The following PCDHGB3 variants were observed in gnomAD, a reference collection of about 807,000 sequenced individuals.
The protein encoded by PCDHGB3 is protocadherin gamma subfamily B, 3, also known as protocadherin gamma-B3.
PCDHGB3 carries 40 observed loss-of-function variants against 59.2 expected under a neutral mutation model. The ratio of observed to expected loss-of-function variants is 0.68; its 90% CI spans 0.52 to 0.88. PCDHGB3 has a LOEUF of 0.88. PCDHGB3 is among the 40% of genes least tolerant of loss of function. PCDHGB3 has a pLI of 0.00. For missense variants in PCDHGB3, 1,309 were observed against 1,187.9 expected, an observed-to-expected ratio of 1.10 and a Z score of -1.50; for synonymous variants, 581 against 503.6, an observed-to-expected ratio of 1.15 and a Z score of -2.06.
At chr5:141,408,274 G>T (rs773254664) in intron 1 of PCDHGB3, 2 of 1,611,590 alleles carry the variant, frequency 1.2e-6, no homozygotes, top group Non-Finnish European at 1.7e-6. Flanking sequence ...TGCTGCCTTT[G>T]TTCTACCCCA....
At chr5:141,403,509 A>G in intron 1 of PCDHGB3, 1 of 1,614,002 alleles carries the variant, frequency 6.2e-7, no homozygotes, top group Non-Finnish European at 8.5e-7. Context: ...CAGACTGGAG[A>G]CAATGGAGCC....
intron 1 of PCDHGB3, chr5:141,411,852 C>G (rs992038456): frequency 1.3e-5 from 2 of 151,222 alleles, no homozygotes; most frequent in East Asian, 1.9e-4. Context: ...AGAGTGAGAC[C>G]CTGTCTCAAA....
At chr5:141,403,784 G>T in intron 1 of PCDHGB3, 1 of 1,613,906 alleles carries the variant, frequency 6.2e-7, no homozygotes, top group Non-Finnish European at 8.5e-7. Context: ...CGGAAAAGTG[G>T]CATACAAATT....
intron 1 of PCDHGB3, chr5:141,384,854 C>T: frequency 6.2e-7 from 1 of 1,613,702 alleles, no homozygotes; most frequent in Non-Finnish European, 8.5e-7. Context: ...CACGGTCAGC[C>T]TCCTCTGTCA....
At chr5:141,403,591 G>C in intron 1 of PCDHGB3, 2 of 1,613,836 alleles carry the variant, frequency 1.2e-6, no homozygotes, top group South Asian at 1.1e-5. Flanking sequence ...TGGTCCTCAC[G>C]GCCTCGGATG....
chr5:141,431,012 G>A lies in PCDHGB3; in HGVS notation c.2415+58203G>A. On this transcript the variant is annotated intron_variant, in intron 1 of 3. Coordinates refer to ENST00000576222, the MANE Select transcript of PCDHGB3 (RefSeq NM_018924.5). This position sits in a 1 kb window ranked among gnomAD's most constrained non-coding sequence, Gnocchi z 4.8. The stretch of plus-strand genomic sequence containing the variant: ...CCTGAATCCGCGCAGCGGCAGCTTG[G>A]TCACGGCGGGCAGGATAGACCGGGA... 1 of 1,613,314 alleles carries A rather than the reference G, an allele frequency of 6.2e-7. No individual in the cohort carries two copies. Among genetic ancestry groups the A allele is most frequent in the South Asian group, 1.1e-5 (1 of 91,076 alleles).
At chr5:141,394,506 C>T (rs1487868399) in intron 1 of PCDHGB3, 1 of 1,614,096 alleles carries the variant, frequency 6.2e-7, no homozygotes, top group Non-Finnish European at 8.5e-7. Flanking sequence ...GATCCTGTAC[C>T]CCGCCCTCCC....
At position 141,372,361 on chromosome 5, in the gene PCDHGB3, C is replaced by A. The variant is rs1227917364; in HGVS notation, c.1967C>A (p.Ala656Asp). The change falls in exon 1 of 4, where the codon GCC becomes GAC. Residue 656 changes from alanine to aspartate, a missense_variant. Ala to Asp is a moderately radical substitution (Grantham distance 126). Coordinates refer to ENST00000576222, the MANE Select transcript of PCDHGB3 (RefSeq NM_018924.5). Reference protein sequence around the residue: ...VRDGGQQPLSATVMLHLIFAD... With the variant: ...VRDGGQQPLSDTVMLHLIFAD... ...GATGGAGGACAGCAGCCTCTTTCAG[C>A]CACCGTCATGCTGCACCTAATCTTC... The A allele has an allele frequency of 6.2e-7, 1 of 1,613,952 alleles. No individual in the cohort carries two copies. The highest frequency in any genetic ancestry group is 1.1e-5 in the South Asian group (1 of 91,090).
Position 141,492,023 on chromosome 5 carries a change from C to G in PCDHGB3, c.2416-2784C>G, listed in dbSNP as rs536734764. 1.8e-4 allele frequency: 102 copies of G among 564,804 alleles called. 3 individuals carry two copies. In the South Asian group the frequency reaches 2.8e-3, roughly 15 times the overall value. The allele number at this position is 564,804 out of a possible 1,614,324, so 35.0% of individuals were successfully genotyped here. A position where few individuals can be genotyped will look rare whatever the true frequency, so the allele number is the denominator to read the frequency against. On this transcript the variant is annotated intron_variant, in intron 1 of 3. Coordinates refer to ENST00000576222, the MANE Select transcript of PCDHGB3 (RefSeq NM_018924.5). Reference sequence around the variant, plus strand: ...CGATTTCCGCGGGTGTCGGGGGTCCCGGGAGGAGGCAGTCACAGATCCACC... The same window carrying G: ...CGATTTCCGCGGGTGTCGGGGGTCCGGGGAGGAGGCAGTCACAGATCCACC...
intron 1 of PCDHGB3, chr5:141,392,656 G>T: frequency 1.3e-6 from 1 of 748,568 alleles, no homozygotes; most frequent in South Asian, 2.2e-5. Context: ...ACCCGCAGAT[G>T]CCACAAACTA....
chr5:141,428,082 G>A lies in PCDHGB3; in HGVS notation c.2415+55273G>A, dbSNP rs776612130. 2.5e-6 allele frequency: 4 copies of A among 1,609,030 alleles called. No individual in the cohort carries two copies. In the African/African-American group the frequency reaches 5.3e-5, roughly 21 times the overall value. On this transcript the variant is annotated intron_variant, in intron 1 of 3. Transcript: ENST00000576222. ...GGTGGACGCAGATTCGGGACACAACGCTTGGCTGTCCTACCACGTGCTGCA... is the reference window on the plus strand; with the variant it reads ...GGTGGACGCAGATTCGGGACACAACACTTGGCTGTCCTACCACGTGCTGCA...
chr5:141,510,451 G>A (rs1330148267), intron 3 of PCDHGB3, among the ~76,000 whole-genome samples: 2 of 152,096 alleles, frequency 1.3e-5, no homozygotes, highest in East Asian at 1.9e-4. Context: ...AGGAGCCCAT[G>A]GTCTAGTGTG....
intron 1 of PCDHGB3, chr5:141,394,163 T>C (rs1207627975): frequency 3.7e-6 from 6 of 1,613,782 alleles, no homozygotes; most frequent in Non-Finnish European, 5.1e-6. Flanking sequence ...ACAACCCTCC[T>C]ACTTTCCCTC....
chr5:141,404,200 A>C, intron 1 of PCDHGB3: 1 of 1,613,696 alleles, frequency 6.2e-7, no homozygotes, highest in Non-Finnish European at 8.5e-7. Context: ...AAAAAGCCTC[A>C]GAATATAATA....
intron 1 of PCDHGB3, among the ~76,000 whole-genome samples, chr5:141,449,579 ACT>A (rs370512396): frequency 0.052 from 7,360 of 141,924 alleles, 400 homozygotes; most frequent in African/African-American, 0.14. Flanking sequence ...ACAGAGCAAG[ACT>A]CTGTCTCAAA....
intron 2 of PCDHGB3, among the ~76,000 whole-genome samples, chr5:141,502,654 C>G (rs1424933188): frequency 6.6e-6 from 1 of 152,112 alleles, no homozygotes; most frequent in African/African-American, 2.4e-5. Context: ...TAGGCAGCAA[C>G]CCTTCATGCA....
Position 141,432,943 on chromosome 5 carries a change from A to G in PCDHGB3, c.2415+60134A>G, listed in dbSNP as rs1200038728. ...ACAAGTCACGCCTGCTGCAGGCTTC[A>G]GGAGGCGGCTTGACAGGAGCGCCGG... On this transcript the variant is annotated intron_variant, in intron 1 of 3. Transcript: ENST00000576222. This position sits in a 1 kb window ranked among gnomAD's most constrained non-coding sequence, Gnocchi z 6.0. 5.6e-6 allele frequency: 9 copies of G among 1,614,168 alleles called. No homozygotes were observed. The highest frequency in any genetic ancestry group is 1.7e-4 in the Middle Eastern group (1 of 6,060).
intron 1 of PCDHGB3, among the ~76,000 whole-genome samples, chr5:141,453,288 A>AT (rs2098760999): frequency 2.0e-5 from 3 of 151,342 alleles, no homozygotes; most frequent in African/African-American, 7.3e-5. Flanking sequence ...TAATTTTTTA[A>AT]TTATTTATTT....
chr5:141,414,152 A>T, intron 1 of PCDHGB3: 1 of 1,600,994 alleles, frequency 6.2e-7, no homozygotes, highest in Non-Finnish European at 8.5e-7. Flanking sequence ...ATACAAGCAG[A>T]AGATGGAGGA....
Sources: allele counts gnomAD v4.1 joint callset (sites outside exome capture counted in the v4.1 genomes callset), GRCh38; gene constraint gnomAD v4.1.1; non-coding constraint Gnocchi (gnomAD v3.1); transcripts MANE v1.5; gene names NCBI Gene and HGNC (gene_info 2026-07-23, HGNC 2026-07-21).